Variants in RPS6KC1 observed in about 807,000 individuals in gnomAD.
RPS6KC1 encodes ribosomal protein S6 kinase C1.
A neutral mutation model predicts 103.8 loss-of-function variants in RPS6KC1; 54 were observed. The observed-to-expected ratio is 0.52, with a 90% CI of 0.42 to 0.65. The LOEUF is 0.65. Among genes scored for constraint, RPS6KC1 ranks in the 30% least tolerant of loss-of-function variants. RPS6KC1 has a pLI of 0.00. For synonymous variants in RPS6KC1, 439 were observed against 438.7 expected (o/e 1.00, Z -0.01); for missense variants, 1,151 against 1,253.8 (o/e 0.92, Z 1.24).
intron 8 of RPS6KC1, among the ~76,000 whole-genome samples, chr1:213,195,328 A>G (rs1015667007): frequency 6.6e-6 from 1 of 152,214 alleles, no homozygotes; most frequent in East Asian, 1.9e-4. Flanking sequence ...GATACATACA[A>G]TGTAGCCCTT....
intron 8 of RPS6KC1, among the ~76,000 whole-genome samples, chr1:213,190,992 G>T (rs1177572645): frequency 6.6e-6 from 1 of 152,066 alleles, no homozygotes; most frequent in Non-Finnish European, 1.5e-5. Context: ...TCTCTATTCT[G>T]TTCCATGATC....
At chr1:213,783,815 C>CAAAAAAAA in the RPS6KC1 span, among the ~76,000 whole-genome samples, 151 of 65,982 alleles carry the variant, frequency 2.3e-3, 1 homozygote, top group Non-Finnish European at 3.4e-3. Flanking sequence ...AAGATGTTGC[C>CAAAAAAAA]AAAAAAAAAA....
At chr1:213,699,564 G>A in the RPS6KC1 span, among the ~76,000 whole-genome samples, 18 of 152,210 alleles carry the variant, frequency 1.2e-4, no homozygotes, top group East Asian at 3.5e-3. Flanking sequence ...TTCCTTTTGG[G>A]TATATACCCA....
At chr1:213,661,239 C>G in the RPS6KC1 span, among the ~76,000 whole-genome samples, 1 of 152,150 alleles carries the variant, frequency 6.6e-6, no homozygotes, top group Non-Finnish European at 1.5e-5. Context: ...CCAATTACTG[C>G]TACGTGAACT....
the RPS6KC1 span, among the ~76,000 whole-genome samples, chr1:213,658,847 A>G: frequency 6.6e-6 from 1 of 152,202 alleles, no homozygotes. Flanking sequence ...TGTTCACTGA[A>G]TTTAACCTTG....
chr1:213,079,517 A>G (rs2079657325), intron 3 of RPS6KC1, among the ~76,000 whole-genome samples: 1 of 152,122 alleles, frequency 6.6e-6, no homozygotes, highest in African/African-American at 2.4e-5. Flanking sequence ...TCCTGGGCTC[A>G]GGTGATTCTC....
intron 8 of RPS6KC1, among the ~76,000 whole-genome samples, chr1:213,193,564 T>C (rs1424037406): frequency 6.6e-6 from 1 of 151,642 alleles, no homozygotes; most frequent in Non-Finnish European, 1.5e-5. Flanking sequence ...GCCTGGCCTC[T>C]TTGTTGATTT....
the RPS6KC1 span, among the ~76,000 whole-genome samples, chr1:213,633,913 A>AAAAAAAAG: frequency 9.7e-6 from 1 of 102,854 alleles, no homozygotes; most frequent in South Asian, 3.5e-4. Flanking sequence ...AAAAAAAAAA[A>AAAAAAAAG]GCAGGGGTTG....
the RPS6KC1 span, among the ~76,000 whole-genome samples, chr1:213,419,300 G>A: frequency 2.0e-5 from 3 of 152,160 alleles, no homozygotes; most frequent in Non-Finnish European, 4.4e-5. Context: ...GCTCTCAAAG[G>A]GGCTGCCATT....
intron 1 of RPS6KC1, among the ~76,000 whole-genome samples, chr1:213,057,752 C>CTTTTTTTTTT (rs869259657): frequency 3.0e-4 from 22 of 73,700 alleles, no homozygotes; most frequent in Non-Finnish European, 5.1e-4. Flanking sequence ...TCTGAAGTAT[C>CTTTTTTTTTT]TTTTTTTTTT....
chr1:213,597,028 C>T, the RPS6KC1 span, among the ~76,000 whole-genome samples: 5 of 152,186 alleles, frequency 3.3e-5, no homozygotes, highest in Admixed American at 6.5e-5. Flanking sequence ...AACCAAGCGA[C>T]TGATTCTGAG....
chr1:213,101,759 C>T (rs1031335400), intron 3 of RPS6KC1, among the ~76,000 whole-genome samples: 1 of 152,050 alleles, frequency 6.6e-6, no homozygotes, highest in Non-Finnish European at 1.5e-5. Flanking sequence ...TACACAATTA[C>T]TAATATTAAT....
At chr1:213,764,739 A>C in the RPS6KC1 span, among the ~76,000 whole-genome samples, 1 of 152,130 alleles carries the variant, frequency 6.6e-6, no homozygotes, top group African/African-American at 2.4e-5. Context: ...GGTTCCTCTC[A>C]AGGTCATATC....
At chr1:213,356,684 C>A in the RPS6KC1 span, among the ~76,000 whole-genome samples, 7 of 152,064 alleles carry the variant, frequency 4.6e-5, no homozygotes. Flanking sequence ...TAAAAGCCTG[C>A]CCCCAGATAA....
chr1:213,660,201 G>A, the RPS6KC1 span, among the ~76,000 whole-genome samples: 1 of 152,208 alleles, frequency 6.6e-6, no homozygotes, highest in Non-Finnish European at 1.5e-5. Flanking sequence ...TGAGGGACAT[G>A]TTTAGATAAT....
At chr1:213,737,267 G>T in the RPS6KC1 span, among the ~76,000 whole-genome samples, 1 of 152,172 alleles carries the variant, frequency 6.6e-6, no homozygotes, top group African/African-American at 2.4e-5. Flanking sequence ...TCACAGCTCT[G>T]GACTTGGTGC....
At chr1:213,485,948 C>T in the RPS6KC1 span, among the ~76,000 whole-genome samples, 1 of 152,312 alleles carries the variant, frequency 6.6e-6, no homozygotes, top group African/African-American at 2.4e-5. Context: ...GATACTCTTG[C>T]TCTCACCCTT....
At chr1:213,759,350 A>G in the RPS6KC1 span, among the ~76,000 whole-genome samples, 3 of 152,224 alleles carry the variant, frequency 2.0e-5, no homozygotes, top group African/African-American at 7.2e-5. Flanking sequence ...TGGAAAATCA[A>G]AAAGTTCATG....
chr1:213,842,960 T>C, the RPS6KC1 span, among the ~76,000 whole-genome samples: 2 of 152,182 alleles, frequency 1.3e-5, no homozygotes, highest in Non-Finnish European at 1.5e-5. Context: ...ATATAATCTA[T>C]GTATTTATTT....
Sources: allele counts gnomAD v4.1 joint callset (sites outside exome capture counted in the v4.1 genomes callset), GRCh38; gene constraint gnomAD v4.1.1; transcripts MANE v1.5; gene names NCBI Gene and HGNC (gene_info 2026-07-23, HGNC 2026-07-21).